CDIN1: variants seen among roughly 807,000 people sequenced by gnomAD.
CDIN1 encodes the protein CDAN1-interacting nuclease 1.
CDIN1 carries 33 observed loss-of-function variants against 45.3 expected under a neutral mutation model. The ratio of observed to expected loss-of-function variants is 0.73; its 90% CI spans 0.55 to 0.97. The LOEUF (loss-of-function observed/expected upper bound fraction) is 0.97. Among genes scored for constraint, CDIN1 ranks in the 50% least tolerant of loss-of-function variants. The probability of loss-of-function intolerance (pLI) is 0.00; values close to 1 mark genes in which losing one functional copy is unlikely to be tolerated. For synonymous variants in CDIN1, 118 were observed against 124.4 expected, an observed-to-expected ratio of 0.95 and a Z score of 0.34; for missense variants, 303 against 339.4, an observed-to-expected ratio of 0.89 and a Z score of 0.84.
intron 1 of CDIN1, among the ~76,000 whole-genome samples, chr15:36,615,199 C>A (rs2038833192): frequency 6.6e-6 from 1 of 152,080 alleles, no homozygotes; most frequent in Admixed American, 6.5e-5. Context: ...TTTGTGGCAC[C>A]CTGGCCACCG....
At chr15:36,636,261 G>T (rs1247339499) in intron 1 of CDIN1, among the ~76,000 whole-genome samples, 1 of 152,106 alleles carries the variant, frequency 6.6e-6, no homozygotes, top group Non-Finnish European at 1.5e-5. Flanking sequence ...GTTATTAAAA[G>T]AAGGTAATGG....
At chr15:36,783,992 A>G (rs1260466860) in intron 10 of CDIN1, among the ~76,000 whole-genome samples, 4 of 152,208 alleles carry the variant, frequency 2.6e-5, no homozygotes, top group Non-Finnish European at 5.9e-5. Context: ...TTCAATACTG[A>G]CAGGGTTCAT....
At chr15:36,797,292 G>A (rs1001440108) in intron 10 of CDIN1, among the ~76,000 whole-genome samples, 9 of 152,196 alleles carry the variant, frequency 5.9e-5, no homozygotes, top group Non-Finnish European at 1.2e-4. Context: ...GCTGAGATAT[G>A]GCCAGGAACA....
chr15:36,637,773 A>G (rs1180463510), intron 1 of CDIN1, among the ~76,000 whole-genome samples: 1 of 152,256 alleles, frequency 6.6e-6, no homozygotes, highest in African/African-American at 2.4e-5. Context: ...TTAAATTAAC[A>G]TGGCTAACTC....
chr15:36,670,816 T>C (rs989527993), intron 5 of CDIN1, among the ~76,000 whole-genome samples: 1 of 152,164 alleles, frequency 6.6e-6, no homozygotes, highest in African/African-American at 2.4e-5. Context: ...TAGAGAAAAG[T>C]GTAGCTTCTT....
chr15:36,660,035 T>G lies in CDIN1; in HGVS notation c.346+2130T>G, dbSNP rs539049443. On this transcript the variant is annotated intron_variant, in intron 5 of 10. Coordinates refer to ENST00000566621, the MANE Select transcript of CDIN1 (RefSeq NM_001321759.2). Reference sequence around the variant, plus strand: ...CTTATATTCTGACACTTTCTTCCCCTTCAGAGCATGGGCCTGGCTGGCCTT... The same window carrying G: ...CTTATATTCTGACACTTTCTTCCCCGTCAGAGCATGGGCCTGGCTGGCCTT... Among the ~76,000 whole-genome samples, 4 of 131,784 alleles carry G rather than the reference T, an allele frequency of 3.0e-5. No individual in the cohort carries two copies. In the South Asian group the frequency reaches 1.1e-3, roughly 36 times the overall value. 86.5% of individuals were successfully genotyped at this position (131,784 alleles called of 152,430 possible). A position where few individuals can be genotyped will look rare whatever the true frequency, so the allele number is the denominator to read the frequency against.
intron 10 of CDIN1, among the ~76,000 whole-genome samples, chr15:36,755,014 T>A (rs1252092036): frequency 6.6e-6 from 1 of 152,232 alleles, no homozygotes; most frequent in Non-Finnish European, 1.5e-5. Flanking sequence ...TGTTTTGCAA[T>A]TCTAATCTTC....
chr15:36,654,219 T>A, intron 4 of CDIN1, 61 bp downstream of exon 4: 2 of 1,329,284 alleles, frequency 1.5e-6, no homozygotes, highest in East Asian at 2.5e-5. Flanking sequence ...CTATCTAGAG[T>A]AACTTTGCTT....
At chr15:36,647,837 GTA>G (rs2040399512) in intron 3 of CDIN1, among the ~76,000 whole-genome samples, 1 of 123,568 alleles carries the variant, frequency 8.1e-6, no homozygotes, top group Non-Finnish European at 1.6e-5. Context: ...ATTTGTGATA[GTA>G]TTTTTTTTTT....
At chr15:36,660,959 C>A (rs1224778190) in intron 5 of CDIN1, among the ~76,000 whole-genome samples, 1 of 152,172 alleles carries the variant, frequency 6.6e-6, no homozygotes, top group African/African-American at 2.4e-5. Flanking sequence ...GTGCCATTTT[C>A]TCTTCCTCAT....
intron 5 of CDIN1, among the ~76,000 whole-genome samples, chr15:36,688,667 C>T (rs775752560): frequency 6.6e-6 from 1 of 152,192 alleles, no homozygotes; most frequent in African/African-American, 2.4e-5. Flanking sequence ...CAGAGGTGGT[C>T]TAGGAACAGC....
Position 36,585,043 on chromosome 15 carries a change from G to A in CDIN1, c.101+5082G>A, listed in dbSNP as rs547195139. On this transcript the variant is annotated intron_variant, in intron 1 of 10. Coordinates refer to ENST00000566621, the MANE Select transcript of CDIN1 (RefSeq NM_001321759.2). The stretch of plus-strand genomic sequence containing the variant: ...ATCTTTCTTGTGGACATTCTTAGAA[G>A]CCCCTGGTCCAATCAGCTGTTACTT... Among the ~76,000 whole-genome samples, 5 of 152,216 alleles carry A rather than the reference G, an allele frequency of 3.3e-5. No homozygotes were observed. In the South Asian group the frequency reaches 1.0e-3, roughly 32 times the overall value.
intron 10 of CDIN1, among the ~76,000 whole-genome samples, chr15:36,738,626 G>A (rs549525608): frequency 4.6e-4 from 70 of 152,252 alleles, no homozygotes; most frequent in African/African-American, 1.6e-3. Context: ...CTGACTCCCT[G>A]TTACATGAAG....
intron 1 of CDIN1, among the ~76,000 whole-genome samples, chr15:36,620,762 G>C (rs1408109765): frequency 9.4e-5 from 14 of 148,948 alleles, no homozygotes; most frequent in Non-Finnish European, 1.3e-4. Flanking sequence ...GTGTTAAATA[G>C]TGTAGAAGTA....
chr15:36,591,584 T>C (rs1688527014), intron 1 of CDIN1, among the ~76,000 whole-genome samples: 1 of 152,172 alleles, frequency 6.6e-6, no homozygotes, highest in Non-Finnish European at 1.5e-5. Context: ...TAACCTCAAG[T>C]TTATAACATG....
intron 10 of CDIN1, among the ~76,000 whole-genome samples, chr15:36,715,175 A>T (rs948963307): frequency 1.3e-5 from 2 of 152,020 alleles, no homozygotes; most frequent in African/African-American, 4.8e-5. Context: ...GTACCACGGA[A>T]ACGATTAAGA....
intron 5 of CDIN1, among the ~76,000 whole-genome samples, chr15:36,681,183 GAATA>G (rs1196629389): frequency 1.3e-5 from 2 of 151,806 alleles, no homozygotes; most frequent in Non-Finnish European, 2.9e-5. Context: ...AAAAATAACT[GAATA>G]AATAAAGGTA....
At chr15:36,596,278 C>G (rs1324503443) in intron 1 of CDIN1, among the ~76,000 whole-genome samples, 3 of 151,644 alleles carry the variant, frequency 2.0e-5, no homozygotes, top group African/African-American at 7.3e-5. Context: ...ATTCGACCTG[C>G]TGGCAAAGGA....
At chr15:36,766,049 G>A (rs547603979) in intron 10 of CDIN1, among the ~76,000 whole-genome samples, 2 of 152,278 alleles carry the variant, frequency 1.3e-5, no homozygotes, top group African/African-American at 4.8e-5. Flanking sequence ...TATACCCATT[G>A]AACAGCGACT....
Sources: gnomAD v4.1 joint callset for allele counts (sites outside exome capture counted in the v4.1 genomes callset) on GRCh38, gnomAD v4.1.1 for gene constraint, MANE v1.5 for transcripts, NCBI Gene and HGNC (gene_info 2026-07-23, HGNC 2026-07-21) for gene names.